SLC25A26: variants seen among roughly 807,000 people sequenced by gnomAD.
SLC25A26 encodes mitochondrial S-adenosylmethionine carrier protein.
SLC25A26 carries 36 observed loss-of-function variants against 37.8 expected under a neutral mutation model. That is an observed-to-expected ratio of 0.95 (90% CI 0.73 to 1.26). The LOEUF is 1.26. SLC25A26 is among the 50% of genes most tolerant of loss of function. The pLI is 0.00. For synonymous variants in SLC25A26, 129 were observed against 122.5 expected, an observed-to-expected ratio of 1.05 and a Z score of -0.35; for missense variants, 390 against 331.1, an observed-to-expected ratio of 1.18 and a Z score of -1.38.
At chr3:66,258,505 G>A (rs2073392287) in intron 3 of SLC25A26, among the ~76,000 whole-genome samples, 1 of 152,188 alleles carries the variant, frequency 6.6e-6, no homozygotes, top group African/African-American at 2.4e-5. Flanking sequence ...AATTATTTCT[G>A]TAAATGAATG....
rs13874 is a variant in SLC25A26, at chr3:66,369,532, C to G, written c.623C>G (p.Thr208Arg). The G allele has an allele frequency of 2.5e-6, 4 of 1,596,920 alleles. No homozygotes were observed. Among genetic ancestry groups the G allele is most frequent in the East Asian group, 2.3e-5 (1 of 44,364 alleles). Residue 208 changes from threonine (T) to arginine (R), a missense_variant, in exon 8 of 10, where the codon ACG becomes AGG. Physicochemically the swap from Thr to Arg is moderately conservative, Grantham distance 71. Coordinates refer to ENST00000354883, the MANE Select transcript of SLC25A26 (RefSeq NM_001379210.1). ...TPLDVAKTRI[T>R]LAKAGSSTAD... ...CTAGACGTGGCAAAGACAAGAATTA[C>G]GCTGGCAAAGGTAAGTGGTGAAATA...
At chr3:66,300,267 T>G (rs1043768538) in intron 5 of SLC25A26, among the ~76,000 whole-genome samples, 21 of 150,566 alleles carry the variant, frequency 1.4e-4, no homozygotes, top group African/African-American at 4.8e-4. Flanking sequence ...TTTTTTTTTT[T>G]TTTTTTGGTG....
Position 66,270,684 on chromosome 3 carries a change from G to C in SLC25A26, c.453+7305G>C, listed in dbSNP as rs940438904. Among the ~76,000 whole-genome samples the C allele has an allele frequency of 4.6e-5, 7 of 152,054 alleles. 1 individual carries two copies. The highest frequency in any genetic ancestry group is 7.4e-5 in the Non-Finnish European group (5 of 68,000). On this transcript the variant is annotated intron_variant, in intron 5 of 9. Coordinates refer to ENST00000354883, the MANE Select transcript of SLC25A26 (RefSeq NM_001379210.1). ...AGATGTTCTATGAAGAATGAATGCTGGTTCATTTGATTCATTCTTTAATTC... is the reference window on the plus strand; with the variant it reads ...AGATGTTCTATGAAGAATGAATGCTCGTTCATTTGATTCATTCTTTAATTC...
rs1349356258 is a variant in SLC25A26, at chr3:66,377,690, A to G, written c.708A>G (p.Gly236=). The G allele has an allele frequency of 1.2e-6, 2 of 1,611,064 alleles. No homozygotes were observed. The highest frequency in any genetic ancestry group is 3.3e-5 in the Admixed American group (2 of 59,752). ...HGVWRSQGLA[G]LFAGVFPRMA... is the part of the protein sequence containing the mutation. ...TTAAAAATCCTGTTTTTTCCCCTAG[A>G]TTATTTGCAGGTGTCTTCCCTCGAA... Residue 236 remains glycine, a splice_region_variant and synonymous_variant, in exon 10 of 10, where the codon GGA becomes GGG. Coordinates refer to ENST00000354883, the MANE Select transcript of SLC25A26 (RefSeq NM_001379210.1).
At position 66,378,362 on chromosome 3, in the gene SLC25A26, T is replaced by A. The variant is rs1700804897; in HGVS notation, c.*555T>A. The A allele has an allele frequency of 6.5e-6, 1 of 152,802 alleles. No homozygotes were observed. The highest frequency in any genetic ancestry group is 1.9e-4 in the East Asian group (1 of 5,204). The allele number at this position is 152,802 out of a possible 1,614,324, so 9.5% of individuals were successfully genotyped here. A position where few individuals can be genotyped will look rare whatever the true frequency, so the allele number is the denominator to read the frequency against. On this transcript the variant is annotated 3_prime_UTR_variant, in exon 10 of 10. Transcript: ENST00000354883. Reference sequence around the variant, plus strand: ...GGGTAACTAGGCTGCTGGTTTTAATTACCCTCAGATTTCACCCATAAAAAC... The same window carrying A: ...GGGTAACTAGGCTGCTGGTTTTAATAACCCTCAGATTTCACCCATAAAAAC...
chr3:66,323,933 C>T (rs543348343), intron 5 of SLC25A26: 1 of 152,278 alleles, frequency 6.6e-6, no homozygotes, highest in Admixed American at 6.5e-5. Context: ...CCCAGGAGGT[C>T]TGGGCTGTAG....
At chr3:66,326,026 A>G (rs965982332) in intron 5 of SLC25A26, among the ~76,000 whole-genome samples, 1 of 152,224 alleles carries the variant, frequency 6.6e-6, no homozygotes, top group Non-Finnish European at 1.5e-5. Context: ...TAGGAGATCA[A>G]ATTCACAAGA....
At chr3:66,249,093 T>C (rs982718121) in intron 3 of SLC25A26, among the ~76,000 whole-genome samples, 1 of 152,238 alleles carries the variant, frequency 6.6e-6, no homozygotes. Flanking sequence ...AAATGTGTTA[T>C]TCTTTCTGTT....
intron 3 of SLC25A26, among the ~76,000 whole-genome samples, chr3:66,259,586 A>G (rs1387042673): frequency 6.6e-6 from 1 of 152,150 alleles, no homozygotes; most frequent in Non-Finnish European, 1.5e-5. Flanking sequence ...GTCAGTGACC[A>G]GGTCCGGTGC....
At chr3:66,183,896 C>G (rs1160250365) in intron 1 of SLC25A26, among the ~76,000 whole-genome samples, 2 of 151,830 alleles carry the variant, frequency 1.3e-5, no homozygotes, top group South Asian at 2.1e-4. Context: ...TAATTTGAAC[C>G]TGACACTTAT....
intron 1 of SLC25A26, among the ~76,000 whole-genome samples, chr3:66,186,720 G>A (rs1255849580): frequency 6.6e-6 from 1 of 151,506 alleles, no homozygotes; most frequent in Non-Finnish European, 1.5e-5. Context: ...CTCTTACCCT[G>A]AGTCATATCA....
At chr3:66,277,719 G>T (rs13072092) in intron 5 of SLC25A26, among the ~76,000 whole-genome samples, 24,417 of 152,010 alleles carry the variant, frequency 0.16, 2,380 homozygotes, top group Non-Finnish European at 0.22. Context: ...CAGTTGGAAA[G>T]ACTGGCAGTC....
intron 6 of SLC25A26, among the ~76,000 whole-genome samples, chr3:66,357,728 T>C (rs909359331): frequency 6.8e-6 from 1 of 147,840 alleles, no homozygotes; most frequent in African/African-American, 2.6e-5. Context: ...AAAAAAAAAC[T>C]TTTGTAAACC....
intron 5 of SLC25A26, among the ~76,000 whole-genome samples, chr3:66,342,990 A>G (rs981139120): frequency 6.6e-6 from 1 of 152,210 alleles, no homozygotes; most frequent in South Asian, 2.1e-4. Context: ...GTGTTTTGGA[A>G]TATAAGAGCT....
chr3:66,165,653 G>A (rs1482199089), intron 1 of SLC25A26, among the ~76,000 whole-genome samples: 2 of 152,132 alleles, frequency 1.3e-5, no homozygotes, highest in African/African-American at 4.8e-5. Flanking sequence ...CTGGGAATGA[G>A]AGGATGAATA....
intron 5 of SLC25A26, chr3:66,304,385 C>A (rs1034262806): frequency 1.5e-5 from 7 of 454,662 alleles, no homozygotes; most frequent in Non-Finnish European, 3.1e-5. Flanking sequence ...TAATATCTTC[C>A]CTTTTCTGTT....
At chr3:66,180,212 A>G (rs1047243571) in intron 1 of SLC25A26, among the ~76,000 whole-genome samples, 3 of 152,224 alleles carry the variant, frequency 2.0e-5, no homozygotes, top group Non-Finnish European at 2.9e-5. Flanking sequence ...AACAGAAAAC[A>G]CTACGGGGAT....
intron 5 of SLC25A26, among the ~76,000 whole-genome samples, chr3:66,299,756 CTTGA>C (rs1452273832): frequency 2.0e-5 from 3 of 152,042 alleles, no homozygotes; most frequent in Non-Finnish European, 4.4e-5. Context: ...TATTAAACGT[CTTGA>C]TTGTTTGACT....
intron 1 of SLC25A26, among the ~76,000 whole-genome samples, chr3:66,154,321 G>A (rs548318112): frequency 1.2e-3 from 189 of 152,162 alleles, no homozygotes; most frequent in African/African-American, 4.4e-3. Flanking sequence ...CATTGTTTTG[G>A]CAGAGATTAT....
Sources: allele counts gnomAD v4.1 joint callset (sites outside exome capture counted in the v4.1 genomes callset), GRCh38; gene constraint gnomAD v4.1.1; transcripts MANE v1.5; gene names NCBI Gene and HGNC (gene_info 2026-07-23, HGNC 2026-07-21).